RIN2: variants seen among roughly 807,000 people sequenced by gnomAD.
RIN2 encodes RAB5 interacting protein 2.
Under a neutral mutation model 78.0 loss-of-function variants are expected in RIN2, and 36 were observed. The observed-to-expected ratio is 0.46, with a 90% CI of 0.35 to 0.61. The LOEUF is 0.61. Among genes scored for constraint, RIN2 ranks in the 20% least tolerant of loss-of-function variants. The pLI is 0.00. For synonymous variants in RIN2, 466 were observed against 466.8 expected (o/e 1.00, Z 0.02); for missense variants, 1,087 against 1,159.7 (o/e 0.94, Z 0.91).
chr20:19,808,933 C>T lies in RIN2; in HGVS notation c.-37+9186C>T, dbSNP rs139535203. ...CGGCCTAAAGGGATGCGGTCCAGGG[C>T]GTGGTCCAAGGAAAGGCCAGAGCCA... On this transcript the variant is annotated intron_variant, in intron 2 of 12. Transcript: ENST00000255006. Among the ~76,000 whole-genome samples the T allele has an allele frequency of 3.9e-3, 592 of 152,246 alleles. 5 individuals carry two copies. The highest frequency in any genetic ancestry group is 0.013 in the African/African-American group (558 of 41,546).
At chr20:19,974,506 A>T in intron 8 of RIN2, 148 bp from the exon 9 acceptor site, 1 of 744,964 alleles carries the variant, frequency 1.3e-6, no homozygotes, top group Non-Finnish European at 2.1e-6. Context: ...CTTTCCAGTA[A>T]AGGAATGCAG....
intron 4 of RIN2, among the ~76,000 whole-genome samples, chr20:19,937,662 A>G (rs2040701851): frequency 6.6e-6 from 1 of 152,200 alleles, no homozygotes; most frequent in Non-Finnish European, 1.5e-5. Flanking sequence ...TAATCTTTTG[A>G]ATGCATAAAA....
chr20:19,907,937 C>G (rs548936717), intron 3 of RIN2, among the ~76,000 whole-genome samples: 1 of 152,100 alleles, frequency 6.6e-6, no homozygotes. Context: ...GGTGCTAAGA[C>G]GATGGAGGAT....
At chr20:19,880,853 T>G (rs942569279) in intron 2 of RIN2, among the ~76,000 whole-genome samples, 2 of 152,172 alleles carry the variant, frequency 1.3e-5, no homozygotes, top group African/African-American at 2.4e-5. Context: ...AAGGAAGATC[T>G]TTTCTTCTTC....
chr20:19,845,879 T>C (rs1297165681), intron 2 of RIN2, among the ~76,000 whole-genome samples: 1 of 152,246 alleles, frequency 6.6e-6, no homozygotes, highest in Non-Finnish European at 1.5e-5. Flanking sequence ...TTTAAGTCTT[T>C]AATTCATCTT....
chr20:19,984,090 G>A (rs1200566677), intron 9 of RIN2, among the ~76,000 whole-genome samples: 2 of 144,410 alleles, frequency 1.4e-5, no homozygotes, highest in African/African-American at 2.7e-5. Context: ...GCAAACTATC[G>A]CAAGGACCAG....
rs914020950 is a variant in RIN2, at chr20:19,960,695, A to C, written c.352-5A>C. 3.2e-6 allele frequency: 5 copies of C among 1,572,784 alleles called. No individual in the cohort carries two copies. Among genetic ancestry groups the C allele is most frequent in the Non-Finnish European group, 4.3e-6 (5 of 1,154,178 alleles). ...TAAAGCTTGTATTTCTTTTCCCTCC[A>C]CTAGATCTTCCTGGTTCATAAATCT... is the stretch of plus-strand genomic sequence containing the variant. On this transcript the variant is annotated splice_region_variant and splice_polypyrimidine_tract_variant and intron_variant, in intron 5 of 12. Coordinates refer to ENST00000255006, the MANE Select transcript of RIN2 (RefSeq NM_018993.4).
At chr20:19,862,867 C>A (rs2037388236) in intron 2 of RIN2, among the ~76,000 whole-genome samples, 2 of 152,116 alleles carry the variant, frequency 1.3e-5, no homozygotes, top group South Asian at 4.1e-4. Flanking sequence ...GAGTTGAATC[C>A]CCTTTCACTG....
Position 19,855,476 on chromosome 20 carries a change from C to T in RIN2, c.-36-34090C>T, listed in dbSNP as rs185584265. ...GAATGGTGCCAGCTCCTCCTCATAC[C>T]TCTGGTAGAATTCAGTTGTGAATCC... On this transcript the variant is annotated intron_variant, in intron 2 of 12. Coordinates refer to ENST00000255006, the MANE Select transcript of RIN2 (RefSeq NM_018993.4). Among the ~76,000 whole-genome samples, 223 of 152,228 alleles carry T rather than the reference C, an allele frequency of 1.5e-3. 2 individuals are homozygous for T. The highest frequency in any genetic ancestry group is 6.8e-3 in the Middle Eastern group (2 of 294).
intron 2 of RIN2, among the ~76,000 whole-genome samples, chr20:19,825,352 T>TC (rs1183917211): frequency 6.6e-6 from 1 of 152,218 alleles, no homozygotes; most frequent in African/African-American, 2.4e-5. Context: ...TCCAGAGCAG[T>TC]CCATGCCATG....
At chr20:19,950,455 A>G (rs977275334) in intron 4 of RIN2, among the ~76,000 whole-genome samples, 5 of 152,246 alleles carry the variant, frequency 3.3e-5, no homozygotes, top group Non-Finnish European at 7.3e-5. Flanking sequence ...TTCAAACATT[A>G]TGGAAAAGTT....
intron 2 of RIN2, among the ~76,000 whole-genome samples, chr20:19,811,847 T>A (rs77700156): frequency 0.016 from 2,281 of 145,458 alleles, 57 homozygotes; most frequent in African/African-American, 0.054. Context: ...GCTCCCATTT[T>A]AAAAAAAAAA....
rs143532097 is a variant in RIN2, at chr20:19,902,816, G to A, written c.57+13158G>A. The stretch of plus-strand genomic sequence containing the variant: ...ATTTATCAAAAATTTAAATTTGGCC[G>A]GGCACGGTGGCTCACGCCTGTAATC... On this transcript the variant is annotated intron_variant, in intron 3 of 12. Coordinates refer to ENST00000255006, the MANE Select transcript of RIN2 (RefSeq NM_018993.4). 2.1e-3 allele frequency among the ~76,000 whole-genome samples: 316 copies of A among 152,234 alleles called. 1 individual carries two copies. Among genetic ancestry groups the A allele is most frequent in the East Asian group, 8.1e-3 (42 of 5,180 alleles).
At chr20:19,923,108 T>A (rs138845055) in intron 3 of RIN2, among the ~76,000 whole-genome samples, 8 of 152,306 alleles carry the variant, frequency 5.3e-5, no homozygotes, top group Admixed American at 2.0e-4. Flanking sequence ...CAGTCAAAAT[T>A]CTGCTTTTAA....
intron 6 of RIN2, among the ~76,000 whole-genome samples, chr20:19,962,099 G>C (rs2041771916): frequency 6.7e-6 from 1 of 150,004 alleles, no homozygotes; most frequent in Non-Finnish European, 1.5e-5. Context: ...TCAGGAATTT[G>C]AGACCAGCCT....
chr20:19,949,155 G>A (rs555869780), intron 4 of RIN2, among the ~76,000 whole-genome samples: 3 of 152,180 alleles, frequency 2.0e-5, no homozygotes, highest in Non-Finnish European at 4.4e-5. Context: ...GGTGGTGTGT[G>A]CCTGTAATCC....
Position 19,852,462 on chromosome 20 carries a change from G to C in RIN2, c.-36-37104G>C, listed in dbSNP as rs554679648. On this transcript the variant is annotated intron_variant, in intron 2 of 12. Transcript: ENST00000255006. ...TTCTTTTCAGTAGGAAATTAATGTA[G>C]AACATCAAGTCATAATTCCAGCTTT... 4.6e-5 allele frequency among the ~76,000 whole-genome samples: 7 copies of C among 152,260 alleles called. No homozygotes were observed. The South Asian group carries it at 1.5e-3, about 32-fold the overall frequency.
intron 1 of RIN2, among the ~76,000 whole-genome samples, chr20:19,769,182 G>A (rs978072852): frequency 1.8e-4 from 28 of 152,076 alleles, no homozygotes; most frequent in Non-Finnish European, 7.4e-5. Context: ...TTGGCCACGC[G>A]CCTTGGCCTC....
At chr20:19,832,737 G>A (rs1377034704) in intron 2 of RIN2, among the ~76,000 whole-genome samples, 1 of 152,056 alleles carries the variant, frequency 6.6e-6, no homozygotes, top group East Asian at 1.9e-4. Flanking sequence ...GCTGCTCTCT[G>A]CTTCCAGGTG....
Sources: allele counts gnomAD v4.1 joint callset (sites outside exome capture counted in the v4.1 genomes callset), GRCh38; gene constraint gnomAD v4.1.1; transcripts MANE v1.5; gene names NCBI Gene and HGNC (gene_info 2026-07-23, HGNC 2026-07-21).